LRCH3: variants seen among roughly 807,000 people sequenced by gnomAD.
LRCH3 encodes DISP complex protein LRCH3.
LRCH3 carries 68 observed loss-of-function variants against 104.5 expected under a neutral mutation model. That is an observed-to-expected ratio of 0.65 (90% CI 0.54 to 0.80). The LOEUF (loss-of-function observed/expected upper bound fraction) is 0.80, where lower values mean the gene tolerates loss of function less well. Ranked by LOEUF, LRCH3 falls within the 30% of genes least tolerant of loss-of-function variation. LRCH3 has a pLI of 0.00. For synonymous variants in LRCH3, 344 were observed against 361.3 expected, an observed-to-expected ratio of 0.95 and a Z score of 0.54; for missense variants, 951 against 953.9, an observed-to-expected ratio of 1.00 and a Z score of 0.04.
At chr3:197,812,004 A>G (rs1733177776) in intron 1 of LRCH3, among the ~76,000 whole-genome samples, 1 of 152,208 alleles carries the variant, frequency 6.6e-6, no homozygotes, top group African/African-American at 2.4e-5. Flanking sequence ...TGAGTACTAC[A>G]TGTTTGATTT....
intron 1 of LRCH3, among the ~76,000 whole-genome samples, chr3:197,807,312 G>T (rs796677821): frequency 6.6e-6 from 1 of 151,718 alleles, no homozygotes; most frequent in African/African-American, 2.4e-5. Context: ...CGCCTCTCGG[G>T]TTCACACCAT....
In LRCH3 at chr3:197,839,223, G is replaced by A. The variant is rs1016497377; in HGVS notation, c.1252-98G>A. The A allele has an allele frequency of 1.6e-5, 12 of 746,442 alleles. No individual in the cohort carries two copies. The African/African-American group carries it at 2.3e-4, about 14-fold the overall frequency. The allele number at this position is 746,442 out of a possible 1,614,324, so 46.2% of individuals were successfully genotyped here. A position where few individuals can be genotyped will look rare whatever the true frequency, so the allele number is the denominator to read the frequency against. Reference sequence around the variant, plus strand: ...AGAGTCTATTAAAATGTTTTTTAGTGTAATATATAAATTAAATGACAAATT... The same window carrying A: ...AGAGTCTATTAAAATGTTTTTTAGTATAATATATAAATTAAATGACAAATT... On this transcript the variant is annotated intron_variant, in intron 9 of 20. Coordinates refer to ENST00000425562, the MANE Select transcript of LRCH3 (RefSeq NM_001365715.1).
At chr3:197,859,531 C>T (rs1055602977) in intron 15 of LRCH3, 4 of 152,186 alleles carry the variant, frequency 2.6e-5, no homozygotes, top group African/African-American at 9.7e-5. Context: ...TGATACATTC[C>T]ACCTTCTGGA....
At chr3:197,797,094 G>GAGGCGGGCAGATCACCCGATGTC (rs1731293405) in intron 1 of LRCH3, among the ~76,000 whole-genome samples, 2 of 151,042 alleles carry the variant, frequency 1.3e-5, no homozygotes, top group Non-Finnish European at 2.9e-5. Context: ...TTGGGGGGCC[G>GAGGCGGGCAGATCACCCGATGTC]AGGCGGGCAG....
At position 197,881,195 on chromosome 3, in the gene LRCH3, C is replaced by T. The variant is rs988735280; in HGVS notation, c.2209-2346C>T. On this transcript the variant is annotated intron_variant, in intron 20 of 20. Coordinates refer to ENST00000425562, the MANE Select transcript of LRCH3 (RefSeq NM_001365715.1). ...TGCCTTTTCTGGTTTTGGCCGCACC[C>T]GGTTACTTAGATTTCTGCTTTGAAC... 3.7e-5 allele frequency: 37 copies of T among 1,004,972 alleles called. No homozygotes were observed. In the Admixed American group the frequency reaches 6.3e-4, roughly 17 times the overall value. The allele number at this position is 1,004,972 out of a possible 1,614,324, so 62.3% of individuals were successfully genotyped here.
chr3:197,817,987 AT>A (rs1734047588), intron 3 of LRCH3, among the ~76,000 whole-genome samples: 1 of 151,968 alleles, frequency 6.6e-6, no homozygotes, highest in Non-Finnish European at 1.5e-5. Context: ...TGCCTGGTTA[AT>A]TTTTTTGTAT....
rs776945903 is a variant in LRCH3, at chr3:197,829,662, T to C, written c.876T>C (p.Gly292=). ...CGGATTATGATAGGAGACCGTTGGG[T>C]TTTGGCTCCTGGTAAGTATATTCTG... The part of the protein sequence containing the change: ...DLPDYDRRPL[G]FGSCHEELYS... Residue 292 remains glycine, a synonymous_variant, in exon 6 of 21, where the codon GGT becomes GGC. Transcript: ENST00000425562. 6.2e-7 allele frequency: 1 copy of C among 1,609,242 alleles called. No homozygotes were observed. The highest frequency in any genetic ancestry group is 8.5e-7 in the Non-Finnish European group (1 of 1,177,282).
intron 1 of LRCH3, among the ~76,000 whole-genome samples, chr3:197,800,416 T>G (rs994899507): frequency 6.6e-6 from 1 of 152,102 alleles, no homozygotes. Context: ...AAGTGGCCAA[T>G]AAATGTTTGA....
At chr3:197,837,645 G>A (rs1338747946) in intron 9 of LRCH3, among the ~76,000 whole-genome samples, 4 of 151,864 alleles carry the variant, frequency 2.6e-5, no homozygotes, top group Non-Finnish European at 2.9e-5. Context: ...GACCATTCCT[G>A]TCTGAACATG....
intron 20 of LRCH3, among the ~76,000 whole-genome samples, chr3:197,878,609 G>A (rs754917954): frequency 6.6e-5 from 10 of 151,870 alleles, no homozygotes; most frequent in Admixed American, 3.9e-4. Context: ...TCCCACCCAC[G>A]TCCCCACCAC....
chr3:197,791,568 C>A, intron 1 of LRCH3, 28 bp downstream of exon 1: 2 of 1,506,320 alleles, frequency 1.3e-6, no homozygotes, highest in African/African-American at 1.5e-5. Context: ...CGTCTCTGCC[C>A]GTCGGAGACC....
intron 1 of LRCH3, among the ~76,000 whole-genome samples, chr3:197,792,410 C>G (rs1730629536): frequency 6.7e-6 from 1 of 149,222 alleles, no homozygotes; most frequent in South Asian, 2.1e-4. Flanking sequence ...ATTTGGCTTT[C>G]TTAGTTGTGG....
chr3:197,817,057 C>T (rs1180006227), intron 2 of LRCH3, 119 bp from the exon 3 acceptor site: 1 of 849,234 alleles, frequency 1.2e-6, no homozygotes, highest in Admixed American at 2.8e-5. Context: ...ACTCCAGTAC[C>T]CTGTTTGTTT....
At chr3:197,882,578 T>G in intron 20 of LRCH3, 2 of 963,548 alleles carry the variant, frequency 2.1e-6, no homozygotes, top group Non-Finnish European at 2.5e-6. Context: ...TATATAATCT[T>G]TTTTTAGTGG....
chr3:197,812,532 G>GTTTTTTTTTTTTTTTTTTT (rs1733289324), intron 1 of LRCH3, among the ~76,000 whole-genome samples: 2 of 4,620 alleles, frequency 4.3e-4, no homozygotes, highest in Non-Finnish European at 4.8e-4. Context: ...TTTTTTTTTA[G>GTTTTTTTTTTTTTTTTTTT]GTGGAGTCTC....
At chr3:197,814,195 C>T (rs930489686) in intron 1 of LRCH3, among the ~76,000 whole-genome samples, 11 of 152,188 alleles carry the variant, frequency 7.2e-5, no homozygotes, top group African/African-American at 2.7e-4. Flanking sequence ...AGAATCATGG[C>T]GGGAGGCAAA....
intron 12 of LRCH3, among the ~76,000 whole-genome samples, chr3:197,849,305 T>G (rs145220744): frequency 6.6e-6 from 1 of 151,450 alleles, no homozygotes; most frequent in East Asian, 1.9e-4. Flanking sequence ...AGGCAAATCT[T>G]TTGACCAATA....
At chr3:197,857,573 C>A (rs945168108) in intron 14 of LRCH3, among the ~76,000 whole-genome samples, 2 of 152,260 alleles carry the variant, frequency 1.3e-5, no homozygotes, top group Non-Finnish European at 2.9e-5. Context: ...CTTCGGGCTA[C>A]CCCTCAAACT....
chr3:197,880,208 G>C (rs905607685), intron 20 of LRCH3, among the ~76,000 whole-genome samples: 3 of 151,972 alleles, frequency 2.0e-5, no homozygotes, highest in Non-Finnish European at 4.4e-5. Flanking sequence ...GCCTCCCAAA[G>C]TGCTGGGATT....
Sources: allele counts gnomAD v4.1 joint callset (sites outside exome capture counted in the v4.1 genomes callset), GRCh38; gene constraint gnomAD v4.1.1; transcripts MANE v1.5; gene names NCBI Gene and HGNC (gene_info 2026-07-23, HGNC 2026-07-21).